TLN1: variants seen among roughly 807,000 people sequenced by gnomAD.
TLN1 encodes talin 1.
Under a neutral mutation model 292.3 loss-of-function variants are expected in TLN1, and 56 were observed. That is an observed-to-expected ratio of 0.19 (90% CI 0.15 to 0.24). The LOEUF is 0.24. TLN1 is among the 10% of genes least tolerant of loss of function. The pLI is 1.00. For missense variants in TLN1, 2,433 were observed against 3,248.2 expected (o/e 0.75, Z 6.10); for synonymous variants, 1,119 against 1,253.7 (o/e 0.89, Z 2.27).
Position 35,724,962 on chromosome 9 carries a change from G to A in TLN1, c.229-3C>T, listed in dbSNP as rs761838722. On this transcript the variant is annotated splice_region_variant and splice_polypyrimidine_tract_variant and intron_variant, in intron 3 of 56. Coordinates refer to ENST00000314888, the MANE Select transcript of TLN1 (RefSeq NM_006289.4). The surrounding 1 kb of genome is among the most constrained non-coding windows in gnomAD (Gnocchi z 4.7). ...TTCTTCCTGTACTCCATAGTGTCCT[G>A]TTAGGGCAGGAAGAAGAGACAGGGG... is the stretch of plus-strand genomic sequence containing the variant. The A allele has an allele frequency of 1.9e-6, 3 of 1,614,076 alleles. No homozygotes were observed. Among genetic ancestry groups the A allele is most frequent in the Non-Finnish European group, 1.7e-6 (2 of 1,180,040 alleles).
intron 8 of TLN1, 28 bp downstream of exon 8, chr9:35,722,833 C>A: frequency 6.2e-7 from 1 of 1,611,722 alleles, no homozygotes; most frequent in Non-Finnish European, 8.5e-7. Flanking sequence ...CGCGGTCATC[C>A]CAAATACTTT....
At chr9:35,721,436 G>C (rs893405998) in intron 10 of TLN1, among the ~76,000 whole-genome samples, 2 of 152,298 alleles carry the variant, frequency 1.3e-5, no homozygotes, top group South Asian at 4.1e-4. Flanking sequence ...TTGCTGATGA[G>C]ATTTTTGTTC....
In TLN1 at chr9:35,699,568, C is replaced by T; in HGVS notation, c.6769-107G>A. Reference sequence around the variant, plus strand: ...CCCTCACCCCTATCCCTAGAGCACTCCACACCATAGCCCTCAAACTCCACG... The same window carrying T: ...CCCTCACCCCTATCCCTAGAGCACTTCACACCATAGCCCTCAAACTCCACG... On this transcript the variant is annotated intron_variant, in intron 50 of 56. Transcript: ENST00000314888. The surrounding 1 kb of genome is among the most constrained non-coding windows in gnomAD (Gnocchi z 4.0). 6.9e-7 allele frequency: 1 copy of T among 1,453,702 alleles called. No individual in the cohort carries two copies. The highest frequency in any genetic ancestry group is 9.1e-7 in the Non-Finnish European group (1 of 1,102,070). 90.1% of individuals were successfully genotyped at this position (1,453,702 alleles called of 1,614,324 possible).
rs1278648094 is a variant in TLN1 at position 35,710,974 on chromosome 9, C to T, written c.4113+15G>A. 1 of 1,614,176 alleles carries T rather than the reference C, an allele frequency of 6.2e-7. No individual in the cohort carries two copies. On this transcript the variant is annotated intron_variant, in intron 31 of 56. Transcript: ENST00000314888. ...TTCCCTCAACCTCAATGCCATCAGC[C>T]TGCCATGTGTCTACCTCCAATTCCC...
chr9:35,707,134 C>T lies in TLN1; in HGVS notation c.4893G>A (p.Ser1631=), dbSNP rs148806359. ...AVNPRDPPSW[S]VLAGHSRTVS... ...CAGTACGGGAGTGGCCGGCCAGCAC[C>T]GACCAGCTCGGGGGGTCCCGGGGAT... Residue 1631 remains serine, a synonymous_variant, in exon 37 of 57, where the codon TCG becomes TCA. Transcript: ENST00000314888. The surrounding 1 kb of genome is among the most constrained non-coding windows in gnomAD (Gnocchi z 5.6). The T allele has an allele frequency of 4.5e-5, 73 of 1,611,840 alleles. No homozygotes were observed. The African/African-American group carries it at 7.7e-4, about 17-fold the overall frequency.
chr9:35,700,182 G>C lies in TLN1; in HGVS notation c.6660+9C>G, dbSNP rs372820994. 6.3e-7 allele frequency: 1 copy of C among 1,597,472 alleles called. No homozygotes were observed. Among genetic ancestry groups the C allele is most frequent in the South Asian group, 1.1e-5 (1 of 90,640 alleles). ...AGCTGCCTCACGGAAATGCCTCAAG[G>C]ATTTCTACCTTGCAAGCCCGAAGCA... On this transcript the variant is annotated intron_variant, in intron 49 of 56. Coordinates refer to ENST00000314888, the MANE Select transcript of TLN1 (RefSeq NM_006289.4).
Position 35,699,287 on chromosome 9 carries a change from C to A in TLN1, c.6874+69G>T. 1 of 1,564,910 alleles carries A rather than the reference C, an allele frequency of 6.4e-7. No individual in the cohort carries two copies. Among genetic ancestry groups the A allele is most frequent in the African/African-American group, 1.4e-5 (1 of 73,816 alleles). On this transcript the variant is annotated intron_variant, in intron 51 of 56. Coordinates refer to ENST00000314888, the MANE Select transcript of TLN1 (RefSeq NM_006289.4). This position sits in a 1 kb window ranked among gnomAD's most constrained non-coding sequence, Gnocchi z 4.0. Reference sequence around the variant, plus strand: ...GGTCAGAGGCTAGCACAGAGCTGTCCAGCCAGGAAGCAGAGATCACACCAT... The same window carrying A: ...GGTCAGAGGCTAGCACAGAGCTGTCAAGCCAGGAAGCAGAGATCACACCAT...
Position 35,717,289 on chromosome 9 carries a change from G to A in TLN1, c.2315C>T (p.Thr772Ile). 6.2e-7 allele frequency: 1 copy of A among 1,614,186 alleles called. No individual in the cohort carries two copies. Among genetic ancestry groups the A allele is most frequent in the Non-Finnish European group, 8.5e-7 (1 of 1,180,032 alleles). The change falls in exon 19 of 57, where the codon ACA becomes ATA. Residue 772 changes from threonine (T) to isoleucine (I), a missense_variant. Thr to Ile is a moderately conservative substitution (Grantham distance 89). Coordinates refer to ENST00000314888, the MANE Select transcript of TLN1 (RefSeq NM_006289.4). This position sits in a 1 kb window ranked among gnomAD's most constrained non-coding sequence, Gnocchi z 4.7. ...QLLRGVGAAATAVTQALNELL... is the reference protein window; with the variant it reads ...QLLRGVGAAAIAVTQALNELL... ...CTCATTTAGGGCCTGGGTGACAGCT[G>A]TGGCTGCTGCTCCTACCCCTCGCAA...
chr9:35,709,109 G>A (rs1282864288), intron 33 of TLN1, among the ~76,000 whole-genome samples: 1 of 152,148 alleles, frequency 6.6e-6, no homozygotes, highest in Non-Finnish European at 1.5e-5. Context: ...CAACAAAGAG[G>A]TTTAGTGAAA....
chr9:35,699,645 G>T lies in TLN1; in HGVS notation c.6769-184C>A. 1 of 985,394 alleles carries T rather than the reference G, an allele frequency of 1.0e-6. No individual in the cohort carries two copies. The highest frequency in any genetic ancestry group is 4.7e-5 in the South Asian group (1 of 21,282). 61.0% of individuals were successfully genotyped at this position (985,394 alleles called of 1,614,324 possible). A position where few individuals can be genotyped will look rare whatever the true frequency, so the allele number is the denominator to read the frequency against. ...TCACACCTCACACGTGATAGAGACA[G>T]TGGGGCTGTGTCACTCACCGGCTGA... is the stretch of plus-strand genomic sequence containing the variant. On this transcript the variant is annotated intron_variant, in intron 50 of 56. Transcript: ENST00000314888. The surrounding 1 kb of genome is among the most constrained non-coding windows in gnomAD (Gnocchi z 4.0).
intron 8 of TLN1, 92 bp from the exon 9 acceptor site, chr9:35,722,315 T>C (rs983568726): frequency 1.4e-5 from 15 of 1,103,234 alleles, no homozygotes; most frequent in Admixed American, 1.3e-4. Flanking sequence ...GAGAGAATTA[T>C]GGGGACACTG....
chr9:35,708,292 G>C (rs764617179), intron 34 of TLN1, 49 bp downstream of exon 34: 3 of 1,541,582 alleles, frequency 1.9e-6, no homozygotes, highest in East Asian at 2.3e-5. Context: ...CCACGGGGTC[G>C]GTCTGCCCTT....
Position 35,717,641 on chromosome 9 carries a change from G to C in TLN1, c.2141C>G (p.Ser714Cys), listed in dbSNP as rs1407678372. 6.2e-7 allele frequency: 1 copy of C among 1,613,742 alleles called. No homozygotes were observed. Among genetic ancestry groups the C allele is most frequent in the Admixed American group, 1.7e-5 (1 of 60,014 alleles). ...CACCTTAGTACAGGCCACTAGTTGG[G>C]AAGTGGATAGGGCACACTGTGTTGC... Reference protein sequence around the residue: ...AAATQCALSTSQLVACTKVVA... With the variant: ...AAATQCALSTCQLVACTKVVA... The change falls in exon 18 of 57, where the codon TCC (serine) becomes TGC (cysteine). Residue 714 changes from serine (S) to cysteine (C), a missense_variant. Ser to Cys is a moderately radical substitution (Grantham distance 112). Around this residue, in one of 7 missense-constraint regions of TLN1, gnomAD observed 617 missense variants for 770.6 expected, o/e 0.80. Coordinates refer to ENST00000314888, the MANE Select transcript of TLN1 (RefSeq NM_006289.4). This position sits in a 1 kb window ranked among gnomAD's most constrained non-coding sequence, Gnocchi z 4.7.
Position 35,699,865 on chromosome 9 carries a change from G to A in TLN1, c.6768+109C>T. The A allele has an allele frequency of 1.7e-6, 2 of 1,197,888 alleles. No homozygotes were observed. The highest frequency in any genetic ancestry group is 2.3e-6 in the Non-Finnish European group (2 of 863,498). The allele number at this position is 1,197,888 out of a possible 1,614,324, so 74.2% of individuals were successfully genotyped here. A position where few individuals can be genotyped will look rare whatever the true frequency, so the allele number is the denominator to read the frequency against. The stretch of plus-strand genomic sequence containing the variant: ...GAACAGATTTGGGAAGTAGAGGGTG[G>A]GGTAGGGAGGAGATCTGAGCAAAAC... On this transcript the variant is annotated intron_variant, in intron 50 of 56. Coordinates refer to ENST00000314888, the MANE Select transcript of TLN1 (RefSeq NM_006289.4). This position sits in a 1 kb window ranked among gnomAD's most constrained non-coding sequence, Gnocchi z 4.0.
chr9:35,710,476 G>C, intron 33 of TLN1, 85 bp downstream of exon 33: 1 of 1,523,354 alleles, frequency 6.6e-7, no homozygotes, highest in Non-Finnish European at 8.8e-7. Flanking sequence ...TAAACTTCTT[G>C]ATTTATCTAC....
chr9:35,707,719 A>G lies in TLN1; in HGVS notation c.4632+12T>C, dbSNP rs7031289. 7.1e-4 allele frequency: 1,153 copies of G among 1,614,084 alleles called. 11 individuals are homozygous for G. The African/African-American group carries it at 0.014, about 20-fold the overall frequency. Reference sequence around the variant, plus strand: ...AGGTCAGGGAGAGGCTGGGAATTCAAGCAATGGGAACCTTGATGGTCTTGA... The same window carrying G: ...AGGTCAGGGAGAGGCTGGGAATTCAGGCAATGGGAACCTTGATGGTCTTGA... On this transcript the variant is annotated intron_variant, in intron 35 of 56. Transcript: ENST00000314888. The surrounding 1 kb of genome is among the most constrained non-coding windows in gnomAD (Gnocchi z 5.6).
At position 35,724,227 on chromosome 9, in the gene TLN1, G is replaced by C; in HGVS notation, c.619C>G (p.Arg207Gly). Residue 207 changes from arginine (R) to glycine (G), a missense_variant, in exon 6 of 57, where the codon CGG (arginine) becomes GGG (glycine). Arg to Gly is a moderately radical substitution (Grantham distance 125, BLOSUM62 -2). This residue lies in a region of TLN1 where 155 missense variants were observed against 287.9 expected (regional missense o/e 0.54). Transcript: ENST00000314888. The surrounding 1 kb of genome is among the most constrained non-coding windows in gnomAD (Gnocchi z 4.7). Reference protein sequence around the residue: ...FFYSDQNVDSRDPVQLNLLYV... With the variant: ...FFYSDQNVDSGDPVQLNLLYV... ...AGGAGGTTCAGCTGTACAGGGTCCC[G>C]GGAATCCACATTCTGGTCTGAGTAA... 1.2e-6 allele frequency: 2 copies of C among 1,614,090 alleles called. No homozygotes were observed. Among genetic ancestry groups the C allele is most frequent in the East Asian group, 2.2e-5 (1 of 44,892 alleles).
intron 1 of TLN1, 41 bp from the exon 2 acceptor site, chr9:35,725,768 T>C: frequency 6.4e-7 from 1 of 1,559,292 alleles, no homozygotes; most frequent in Non-Finnish European, 8.7e-7. Context: ...ACTCTTCTGG[T>C]GGGAGAAGAG....
rs572983734 is a variant in TLN1, at chr9:35,725,452, C to A, written c.130+113G>T. On this transcript the variant is annotated intron_variant, in intron 2 of 56. Transcript: ENST00000314888. ...GAACGAGGGAACCATGGAACACAGA[C>A]CTGAGGGGTGAGTAGTCTTAGGGGA... is the stretch of plus-strand genomic sequence containing the variant. 49 of 1,542,048 alleles carry A rather than the reference C, an allele frequency of 3.2e-5. No homozygotes were observed. The East Asian group carries it at 9.9e-4, about 31-fold the overall frequency.
Sources: allele counts gnomAD v4.1 joint callset (sites outside exome capture counted in the v4.1 genomes callset), GRCh38; gene constraint gnomAD v4.1.1; regional missense constraint gnomAD v4.1.1; non-coding constraint Gnocchi (gnomAD v3.1); transcripts MANE v1.5; gene names NCBI Gene and HGNC (gene_info 2026-07-23, HGNC 2026-07-21).